Variants in ADGRE1 observed in about 807,000 individuals in gnomAD.
ADGRE1 encodes the protein adhesion G protein-coupled receptor E1.
Under a neutral mutation model 102.7 loss-of-function variants are expected in ADGRE1, and 82 were observed. That is an observed-to-expected ratio of 0.80 (90% CI 0.67 to 0.96). The LOEUF (loss-of-function observed/expected upper bound fraction) is 0.96. ADGRE1 is among the 40% of genes least tolerant of loss of function. The pLI, the probability that ADGRE1 is intolerant of heterozygous loss-of-function variation, is 0.00. For synonymous variants in ADGRE1, 398 were observed against 399.6 expected, an observed-to-expected ratio of 1.00 and a Z score of 0.05; for missense variants, 1,032 against 1,085.3, an observed-to-expected ratio of 0.95 and a Z score of 0.69.
intron 2 of ADGRE1, 110 bp downstream of exon 2, chr19:6,890,653 T>C: frequency 1.7e-6 from 2 of 1,157,312 alleles, no homozygotes; most frequent in East Asian, 2.5e-5. Flanking sequence ...GGGAGCTAGT[T>C]AGCGGCAGAG....
Position 6,890,461 on chromosome 19 carries a change from T to C in ADGRE1, c.32-20T>C, listed in dbSNP as rs755618502. The C allele has an allele frequency of 7.0e-6, 11 of 1,563,422 alleles. No homozygotes were observed. The highest frequency in any genetic ancestry group is 9.5e-6 in the Non-Finnish European group (11 of 1,162,776). On this transcript the variant is annotated intron_variant, in intron 1 of 20. Coordinates refer to ENST00000312053, the MANE Select transcript of ADGRE1 (RefSeq NM_001974.5). ...TTTTTTTTTGGTGGTTCATGGTGTTTTTCTTTTCTTTCTTCACAGGATGTT... is the reference window on the plus strand; with the variant it reads ...TTTTTTTTTGGTGGTTCATGGTGTTCTTCTTTTCTTTCTTCACAGGATGTT...
chr19:6,913,419 ATCCACCC>A (rs879410486), intron 10 of ADGRE1, among the ~76,000 whole-genome samples: 109,080 of 151,582 alleles, frequency 0.72, 39,741 homozygotes, highest in East Asian at 0.77. Context: ...TGACCTCATG[ATCCACCC>A]ACCTCAGCCT....
chr19:6,900,093 C>CA (rs35932450), intron 5 of ADGRE1, among the ~76,000 whole-genome samples: 96 of 129,584 alleles, frequency 7.4e-4, no homozygotes, highest in Middle Eastern at 8.0e-3. Flanking sequence ...GACTCCATCT[C>CA]AAAAAAAAAA....
chr19:6,892,255 G>A (rs533532027), intron 2 of ADGRE1, among the ~76,000 whole-genome samples: 1 of 152,134 alleles, frequency 6.6e-6, no homozygotes, highest in Non-Finnish European at 1.5e-5. Flanking sequence ...AGCAAAGAAC[G>A]TAGATCTCAA....
chr19:6,896,596 G>A, intron 3 of ADGRE1, 55 bp downstream of exon 3: 1 of 1,587,706 alleles, frequency 6.3e-7, no homozygotes, highest in Non-Finnish European at 8.6e-7. Context: ...TCAAGTCAAA[G>A]CTGGCTGGGT....
At position 6,897,472 on chromosome 19, in the gene ADGRE1, G is replaced by C; in HGVS notation, c.439G>C (p.Asp147His). The change falls in exon 5 of 21, where the codon GAC (aspartate) becomes CAC (histidine). Residue 147 changes from aspartate to histidine, a missense_variant. Asp to His is a moderately conservative substitution (Grantham distance 81). Transcript: ENST00000312053. Reference sequence around the variant, plus strand: ...CAGCAGCGTCTGCCCTGAGCATTCTGACTGTGTCAACTCCATGGGAAGCTA... The same window carrying C: ...CAGCAGCGTCTGCCCTGAGCATTCTCACTGTGTCAACTCCATGGGAAGCTA... ...LTSSVCPEHS[D>H]CVNSMGSYSC... is the part of the protein sequence containing the mutation. The C allele has an allele frequency of 6.2e-7, 1 of 1,601,088 alleles. No homozygotes were observed. The highest frequency in any genetic ancestry group is 8.5e-7 in the Non-Finnish European group (1 of 1,175,278).
chr19:6,907,341 A>ATC (rs1974001367), intron 9 of ADGRE1, among the ~76,000 whole-genome samples: 1 of 145,110 alleles, frequency 6.9e-6, no homozygotes, highest in African/African-American at 2.6e-5. Flanking sequence ...AGTTCTAGAA[A>ATC]TTTTTTTTTT....
chr19:6,938,826 C>T (rs759557642), intron 20 of ADGRE1, among the ~76,000 whole-genome samples: 1 of 147,000 alleles, frequency 6.8e-6, no homozygotes, highest in Non-Finnish European at 1.5e-5. Flanking sequence ...GATGGAGTCT[C>T]GCTCTGTAAC....
chr19:6,928,093 G>C (rs1365631368), intron 16 of ADGRE1, 52 bp from the exon 17 acceptor site: 1 of 1,579,494 alleles, frequency 6.3e-7, no homozygotes, highest in Admixed American at 1.8e-5. Context: ...AGGGTTAACT[G>C]TAAGGTCAGG....
chr19:6,930,875 G>A (rs987921976), intron 17 of ADGRE1, among the ~76,000 whole-genome samples: 1 of 151,928 alleles, frequency 6.6e-6, no homozygotes, highest in South Asian at 2.1e-4. Context: ...ATGACCTCAG[G>A]TGACCCACCC....
intron 1 of ADGRE1, among the ~76,000 whole-genome samples, chr19:6,889,687 CAAAAAAAAAAA>C (rs1178774112): frequency 9.6e-5 from 4 of 41,768 alleles, no homozygotes; most frequent in Non-Finnish European, 1.7e-4. Flanking sequence ...GACTCCATCT[CAAAAAAAAAAA>C]AAAAAAAAAA....
intron 17 of ADGRE1, among the ~76,000 whole-genome samples, chr19:6,933,500 G>T (rs1975254054): frequency 6.6e-6 from 1 of 150,538 alleles, no homozygotes; most frequent in African/African-American, 2.5e-5. Context: ...CGATTCTCCT[G>T]CCTCAGCCTC....
At chr19:6,901,716 T>G (rs915946482) in intron 5 of ADGRE1, among the ~76,000 whole-genome samples, 159 bp from the exon 6 acceptor site, 1 of 152,182 alleles carries the variant, frequency 6.6e-6, no homozygotes, top group African/African-American at 2.4e-5. Context: ...CTGGGAAATA[T>G]GTCCCACTGT....
At chr19:6,904,238 A>G in intron 8 of ADGRE1, 56 bp downstream of exon 8, 2 of 1,594,278 alleles carry the variant, frequency 1.3e-6, no homozygotes, top group Middle Eastern at 1.7e-4. Flanking sequence ...TTTGGTTGGA[A>G]AATTCTCATT....
rs761237370 is a variant in ADGRE1, at chr19:6,926,617, T to C, written c.2222+16T>C. 1 of 1,613,246 alleles carries C rather than the reference T, an allele frequency of 6.2e-7. No individual in the cohort carries two copies. Among genetic ancestry groups the C allele is most frequent in the East Asian group, 2.2e-5 (1 of 44,866 alleles). On this transcript the variant is annotated intron_variant, in intron 16 of 20. Transcript: ENST00000312053. The stretch of plus-strand genomic sequence containing the variant: ...TGCATAATCGGTGAGTGACATCCTC[T>C]CTCTTCCTGAAGACCCTGCTGCCAG...
chr19:6,900,578 A>T (rs566429405), intron 5 of ADGRE1, among the ~76,000 whole-genome samples: 220 of 152,232 alleles, frequency 1.4e-3, no homozygotes, highest in Non-Finnish European at 1.9e-3. Flanking sequence ...CCTCCTCTCT[A>T]GTCTTGCCTT....
chr19:6,907,050 C>T (rs1973987181), intron 9 of ADGRE1, among the ~76,000 whole-genome samples: 1 of 152,112 alleles, frequency 6.6e-6, no homozygotes, highest in African/African-American at 2.4e-5. Context: ...GGGGGTGTTA[C>T]ACAGCCAGCC....
chr19:6,930,427 G>A (rs947454835), intron 17 of ADGRE1, among the ~76,000 whole-genome samples: 1 of 152,006 alleles, frequency 6.6e-6, no homozygotes, highest in Non-Finnish European at 1.5e-5. Context: ...CATATTTTTC[G>A]AGGATTAAAT....
chr19:6,937,122 C>T (rs1975444527), intron 18 of ADGRE1, 121 bp from the exon 19 acceptor site: 4 of 1,107,710 alleles, frequency 3.6e-6, no homozygotes, highest in Non-Finnish European at 3.9e-6. Flanking sequence ...CCCCACCCTA[C>T]ATTTGTCCAC....
Sources: gnomAD v4.1 joint callset for allele counts (sites outside exome capture counted in the v4.1 genomes callset) on GRCh38, gnomAD v4.1.1 for gene constraint, MANE v1.5 for transcripts, NCBI Gene and HGNC (gene_info 2026-07-23, HGNC 2026-07-21) for gene names.